GJD3: variants seen among roughly 807,000 people sequenced by gnomAD.
GJD3 encodes the protein gap junction protein delta 3, also known as gap junction delta-3 protein.
For missense variants in GJD3, 421 were observed against 448.5 expected (o/e 0.94, Z 0.55); for synonymous variants, 217 against 226.7 (o/e 0.96, Z 0.38).
At position 40,362,029 on chromosome 17, in the gene GJD3, AG is replaced by A. The variant is rs944790919; in HGVS notation, c.*901del. ...CCCTCCCTGGGCGGGGTCTCTTGGG[AG>A]GGGGGGACAGACCTCCTGTGATGCC... On this transcript the variant is annotated 3_prime_UTR_variant, in exon 1 of 1. Coordinates refer to ENST00000578689, the MANE Select transcript of GJD3 (RefSeq NM_152219.4). Among the ~76,000 whole-genome samples, 1 of 151,708 alleles carries A rather than the reference AG, an allele frequency of 6.6e-6. No homozygotes were observed. Among genetic ancestry groups the A allele is most frequent in the East Asian group, 1.9e-4 (1 of 5,152 alleles).
rs986645860 is a variant in GJD3, at chr17:40,363,647, G to A, written c.169C>T (p.Leu57=). Residue 57 remains leucine, a synonymous_variant, in exon 1 of 1, where the codon CTG becomes TTG. Coordinates refer to ENST00000578689, the MANE Select transcript of GJD3 (RefSeq NM_152219.4). This position sits in a 1 kb window ranked among gnomAD's most constrained non-coding sequence, Gnocchi z 5.5. ...CAGGTCTGGCGACAGCCCGGCTGCA[G>A]CGTGTTGCACACGAACTCCTCTTGC... The part of the protein sequence containing the change: ...DEQEEFVCNT[L]QPGCRQTCYD... 2.5e-6 allele frequency: 4 copies of A among 1,607,176 alleles called. No individual in the cohort carries two copies. Among genetic ancestry groups the A allele is most frequent in the East Asian group, 2.2e-5 (1 of 44,646 alleles).
At position 40,363,829 on chromosome 17, in the gene GJD3, C is replaced by A; in HGVS notation, c.-14G>T. 1.3e-6 allele frequency: 2 copies of A among 1,578,416 alleles called. No individual in the cohort carries two copies. Among genetic ancestry groups the A allele is most frequent in the Non-Finnish European group, 1.7e-6 (2 of 1,162,214 alleles). On this transcript the variant is annotated 5_prime_UTR_variant, in exon 1 of 1. Coordinates refer to ENST00000578689, the MANE Select transcript of GJD3 (RefSeq NM_152219.4). This position sits in a 1 kb window ranked among gnomAD's most constrained non-coding sequence, Gnocchi z 5.5. ...CCACTCCCCCATGGCGCTGGGGACG[C>A]GGGGCGGGGAGTCAGGGGATGGGGC...
Position 40,363,759 on chromosome 17 carries a change from C to T in GJD3, c.57G>A (p.Pro19=). 3.7e-6 allele frequency: 6 copies of T among 1,609,180 alleles called. No individual in the cohort carries two copies. Among genetic ancestry groups the T allele is most frequent in the Non-Finnish European group, 5.1e-6 (6 of 1,178,938 alleles). Residue 19 remains proline (P), a synonymous_variant, in exon 1 of 1, where the codon CCG becomes CCA. Transcript: ENST00000578689. The surrounding 1 kb of genome is among the most constrained non-coding windows in gnomAD (Gnocchi z 5.5). ...SLLDAVQLQS[P]LVGRLWLVVM... is the part of the protein sequence containing the mutation. ...CCACCAGCCAGAGGCGGCCCACGAGCGGCGACTGCAGCTGCACGGCGTCCA... is the reference window on the plus strand; with the variant it reads ...CCACCAGCCAGAGGCGGCCCACGAGTGGCGACTGCAGCTGCACGGCGTCCA...
Position 40,362,115 on chromosome 17 carries a change from C to G in GJD3, c.*816G>C, listed in dbSNP as rs1259356927. Among the ~76,000 whole-genome samples, 1 of 152,076 alleles carries G rather than the reference C, an allele frequency of 6.6e-6. No individual in the cohort carries two copies. Among genetic ancestry groups the G allele is most frequent in the Admixed American group, 6.5e-5 (1 of 15,284 alleles). ...GAGCCATTGTGGCTGCAGCTGGCAT[C>G]GGATCCTGGCCACCCCCGCAGTGCA... On this transcript the variant is annotated 3_prime_UTR_variant, in exon 1 of 1. Coordinates refer to ENST00000578689, the MANE Select transcript of GJD3 (RefSeq NM_152219.4).
rs566645628 is a variant in GJD3 at position 40,361,623 on chromosome 17, G to C, written c.*1308C>G. Among the ~76,000 whole-genome samples the C allele has an allele frequency of 3.9e-5, 6 of 152,206 alleles. No individual in the cohort carries two copies. Among genetic ancestry groups the C allele is most frequent in the African/African-American group, 1.2e-4 (5 of 41,446 alleles). On this transcript the variant is annotated 3_prime_UTR_variant, in exon 1 of 1. Transcript: ENST00000578689. ...AGAGCAGCCCACTGGCTGGTGAAGG[G>C]GGAGGGCAGACGGGAGGGGAGACAC...
Position 40,361,355 on chromosome 17 carries a change from C to T in GJD3, c.*1576G>A, listed in dbSNP as rs1333858361. 1.3e-5 allele frequency among the ~76,000 whole-genome samples: 2 copies of T among 152,232 alleles called. No homozygotes were observed. Among genetic ancestry groups the T allele is most frequent in the Non-Finnish European group, 2.9e-5 (2 of 68,044 alleles). On this transcript the variant is annotated 3_prime_UTR_variant, in exon 1 of 1. Coordinates refer to ENST00000578689, the MANE Select transcript of GJD3 (RefSeq NM_152219.4). ...AAGGAAGCTTTGTGAAGGCGCTTGA[C>T]TCACCCTGAGGGCAGGGGTGCTGCC...
At position 40,361,289 on chromosome 17, in the gene GJD3, G is replaced by A. The variant is rs1346024375; in HGVS notation, c.*1642C>T. On this transcript the variant is annotated 3_prime_UTR_variant, in exon 1 of 1. Transcript: ENST00000578689. ...ATGGTTCTGAGCACACCTGGAAGCC[G>A]GTGCTGTGGAGTCGAAGGCCTGACA... is the stretch of plus-strand genomic sequence containing the variant. 9.4e-6 allele frequency: 3 copies of A among 318,124 alleles called. No individual in the cohort carries two copies. Among genetic ancestry groups the A allele is most frequent in the Admixed American group, 4.7e-5 (1 of 21,296 alleles). 19.7% of individuals were successfully genotyped at this position (318,124 alleles called of 1,614,324 possible).
At position 40,363,342 on chromosome 17, in the gene GJD3, G is replaced by T. The variant is rs1227907447; in HGVS notation, c.474C>A (p.Tyr158Ter). ...LTFLGGQALL[Y>*]GFRVAPHFAC... ...CGAAGTGCGGGGCCACGCGGAAGCC[G>T]TAGAGCAGCGCCTGGCCGCCCAGGA... The change falls in exon 1 of 1, where the codon TAC (tyrosine) becomes TAA (stop). Residue 158 changes from tyrosine to a stop codon, truncating the protein, a stop_gained. Transcript: ENST00000578689. LOFTEE classifies it low-confidence loss of function (END_TRUNC). This position sits in a 1 kb window ranked among gnomAD's most constrained non-coding sequence, Gnocchi z 5.5. 1.4e-6 allele frequency: 2 copies of T among 1,419,306 alleles called. No individual in the cohort carries two copies. The highest frequency in any genetic ancestry group is 2.7e-5 in the Admixed American group (1 of 36,754). 87.9% of individuals were successfully genotyped at this position (1,419,306 alleles called of 1,614,324 possible). A position where few individuals can be genotyped will look rare whatever the true frequency, so the allele number is the denominator to read the frequency against.
At position 40,362,987 on chromosome 17, in the gene GJD3, C is replaced by G; in HGVS notation, c.829G>C (p.Gly277Arg). ...GGTGACGCCTTGCCGCGGCCGCTGC[C>G]GCACTCGCGGAGGCTGGCCGGCGCC... Reference protein sequence around the residue: ...HPAPASLRECGSGRGKASPAT... With the variant: ...HPAPASLRECRSGRGKASPAT... Residue 277 changes from glycine (G) to arginine (R), a missense_variant, in exon 1 of 1, where the codon GGC becomes CGC. Physicochemically the swap from Gly to Arg is moderately radical, Grantham distance 125. Transcript: ENST00000578689. 2 of 1,230,674 alleles carry G rather than the reference C, an allele frequency of 1.6e-6. No homozygotes were observed. Among genetic ancestry groups the G allele is most frequent in the South Asian group, 6.2e-5 (2 of 32,432 alleles). 76.2% of individuals were successfully genotyped at this position (1,230,674 alleles called of 1,614,324 possible). A position where few individuals can be genotyped will look rare whatever the true frequency, so the allele number is the denominator to read the frequency against.
At position 40,361,478 on chromosome 17, in the gene GJD3, G is replaced by A. The variant is rs1189394000; in HGVS notation, c.*1453C>T. Among the ~76,000 whole-genome samples, 1 of 152,260 alleles carries A rather than the reference G, an allele frequency of 6.6e-6. No individual in the cohort carries two copies. The highest frequency in any genetic ancestry group is 1.9e-4 in the East Asian group (1 of 5,196). On this transcript the variant is annotated 3_prime_UTR_variant, in exon 1 of 1. Coordinates refer to ENST00000578689, the MANE Select transcript of GJD3 (RefSeq NM_152219.4). ...GAGAAAGACGCCAGGAACTCAGAAG[G>A]ACAGGGTGGGGTGATGGCGGGGAAC...
Position 40,360,981 on chromosome 17 carries a change from T to C in GJD3, c.*1950A>G. The C allele has an allele frequency of 2.2e-6, 1 of 456,612 alleles. No individual in the cohort carries two copies. Among genetic ancestry groups the C allele is most frequent in the Non-Finnish European group, 4.4e-6 (1 of 226,914 alleles). 28.3% of individuals were successfully genotyped at this position (456,612 alleles called of 1,614,324 possible). ...ATCCAACACATATTTACTGAGCACATACTACGTGCCATGGAAGGGGAGAGA... is the reference window on the plus strand; with the variant it reads ...ATCCAACACATATTTACTGAGCACACACTACGTGCCATGGAAGGGGAGAGA... On this transcript the variant is annotated 3_prime_UTR_variant, in exon 1 of 1. Transcript: ENST00000578689.
Position 40,363,213 on chromosome 17 carries a change from C to A in GJD3, c.603G>T (p.Ser201=), listed in dbSNP as rs1246421577. ...CCAGCTCGGCTACGCTGAGCAGCGC[C>A]GACAGCAGCCCCACCGCGAAATAGA... ...VLFYFAVGLL[S]ALLSVAELGH... is the part of the protein sequence containing the mutation. The change falls in exon 1 of 1, where the codon TCG becomes TCT. Residue 201 remains serine, a synonymous_variant. Transcript: ENST00000578689. The surrounding 1 kb of genome is among the most constrained non-coding windows in gnomAD (Gnocchi z 5.5). 1 of 1,447,892 alleles carries A rather than the reference C, an allele frequency of 6.9e-7. No homozygotes were observed. The highest frequency in any genetic ancestry group is 2.4e-5 in the Admixed American group (1 of 41,862). 89.7% of individuals were successfully genotyped at this position (1,447,892 alleles called of 1,614,324 possible). A position where few individuals can be genotyped will look rare whatever the true frequency, so the allele number is the denominator to read the frequency against.
chr17:40,362,860 C>A lies in GJD3; in HGVS notation c.*71G>T. 1 of 1,115,256 alleles carries A rather than the reference C, an allele frequency of 9.0e-7. No individual in the cohort carries two copies. Among genetic ancestry groups the A allele is most frequent in the East Asian group, 4.7e-5 (1 of 21,344 alleles). 69.1% of individuals were successfully genotyped at this position (1,115,256 alleles called of 1,614,324 possible). A position where few individuals can be genotyped will look rare whatever the true frequency, so the allele number is the denominator to read the frequency against. ...CAGCTCTGGTGGAAGCAGCTTCCGG[C>A]TTCTGCGGTGCGGGCGGAGGTGGCG... On this transcript the variant is annotated 3_prime_UTR_variant, in exon 1 of 1. Coordinates refer to ENST00000578689, the MANE Select transcript of GJD3 (RefSeq NM_152219.4).
rs1233226551 is a variant in GJD3 at position 40,363,408 on chromosome 17, G to A, written c.408C>T (p.Tyr136=). Residue 136 remains tyrosine, a synonymous_variant, in exon 1 of 1, where the codon TAC becomes TAT. Transcript: ENST00000578689. This position sits in a 1 kb window ranked among gnomAD's most constrained non-coding sequence, Gnocchi z 5.5. ...GCAGGCGCAGCGCCACGCTCAGCAG[G>A]TAGCAGCGGCGCGCGCGGCGGGCGC... ...ALRARRARRC[Y]LLSVALRLLA... 7.5e-7 allele frequency: 1 copy of A among 1,327,214 alleles called. No homozygotes were observed. Among genetic ancestry groups the A allele is most frequent in the African/African-American group, 1.5e-5 (1 of 64,838 alleles). The allele number at this position is 1,327,214 out of a possible 1,614,324, so 82.2% of individuals were successfully genotyped here.
rs2034760783 is a variant in GJD3 at position 40,362,501 on chromosome 17, A to G, written c.*430T>C. Among the ~76,000 whole-genome samples the G allele has an allele frequency of 6.6e-6, 1 of 152,184 alleles. No individual in the cohort carries two copies. The highest frequency in any genetic ancestry group is 2.4e-5 in the African/African-American group (1 of 41,452). ...ACAGTGCTTATGTGTCCGTGTATGC[A>G]CACTCGCAGAGAGCCCACAGGGGGA... On this transcript the variant is annotated 3_prime_UTR_variant, in exon 1 of 1. Coordinates refer to ENST00000578689, the MANE Select transcript of GJD3 (RefSeq NM_152219.4).
chr17:40,362,353 A>G lies in GJD3; in HGVS notation c.*578T>C, dbSNP rs1421012488. 2.0e-5 allele frequency among the ~76,000 whole-genome samples: 3 copies of G among 152,092 alleles called. No homozygotes were observed. The highest frequency in any genetic ancestry group is 4.8e-5 in the African/African-American group (2 of 41,420). On this transcript the variant is annotated 3_prime_UTR_variant, in exon 1 of 1. Transcript: ENST00000578689. Reference sequence around the variant, plus strand: ...GGCATATGTTTCTGTGTGCATGTGCACACAGCTCACCCGGGAGGGTTACGT... The same window carrying G: ...GGCATATGTTTCTGTGTGCATGTGCGCACAGCTCACCCGGGAGGGTTACGT...
rs533110960 is a variant in GJD3, at chr17:40,362,405, C to T, written c.*526G>A. 6.6e-6 allele frequency among the ~76,000 whole-genome samples: 1 copy of T among 152,032 alleles called. No homozygotes were observed. The highest frequency in any genetic ancestry group is 2.1e-4 in the South Asian group (1 of 4,810). On this transcript the variant is annotated 3_prime_UTR_variant, in exon 1 of 1. Transcript: ENST00000578689. ...TGTCTGTGTGCACAAGTGGGCCTCACGCAGGGTGTACACATGCGCGCACAT... is the reference window on the plus strand; with the variant it reads ...TGTCTGTGTGCACAAGTGGGCCTCATGCAGGGTGTACACATGCGCGCACAT...
chr17:40,362,987 C>A lies in GJD3; in HGVS notation c.829G>T (p.Gly277Cys). The part of the protein sequence containing the change: ...HPAPASLREC[G>C]SGRGKASPAT... ...GGTGACGCCTTGCCGCGGCCGCTGC[C>A]GCACTCGCGGAGGCTGGCCGGCGCC... The change falls in exon 1 of 1, where the codon GGC (glycine) becomes TGC (cysteine). Residue 277 changes from glycine (G) to cysteine (C), a missense_variant. Gly to Cys is a radical substitution (Grantham distance 159). Coordinates refer to ENST00000578689, the MANE Select transcript of GJD3 (RefSeq NM_152219.4). The A allele has an allele frequency of 8.1e-7, 1 of 1,230,674 alleles. No individual in the cohort carries two copies. 76.2% of individuals were successfully genotyped at this position (1,230,674 alleles called of 1,614,324 possible).
At position 40,363,084 on chromosome 17, in the gene GJD3, T is replaced by C; in HGVS notation, c.732A>G (p.Pro244=). 3 of 1,261,980 alleles carry C rather than the reference T, an allele frequency of 2.4e-6. No homozygotes were observed. The highest frequency in any genetic ancestry group is 3.0e-6 in the Non-Finnish European group (3 of 1,001,928). 78.2% of individuals were successfully genotyped at this position (1,261,980 alleles called of 1,614,324 possible). A position where few individuals can be genotyped will look rare whatever the true frequency, so the allele number is the denominator to read the frequency against. ...GGGAGGGCAGGGCCGGTGGCGGAGG[T>C]GGCGGCGGCGGCGGCGGGAGCAGCT... ...AQKLLPPPPP[P]PPPPALPSRR... The change falls in exon 1 of 1, where the codon CCA becomes CCG. Residue 244 remains proline (P), a synonymous_variant. Transcript: ENST00000578689. This position sits in a 1 kb window ranked among gnomAD's most constrained non-coding sequence, Gnocchi z 5.5.
Sources: gnomAD v4.1 joint callset for allele counts (sites outside exome capture counted in the v4.1 genomes callset) on GRCh38, gnomAD v4.1.1 for gene constraint, Gnocchi (gnomAD v3.1) non-coding constraint, MANE v1.5 for transcripts, NCBI Gene and HGNC (gene_info 2026-07-23, HGNC 2026-07-21) for gene names.